Variants in AP2B1 observed in about 807,000 individuals in gnomAD.
AP2B1 encodes AP-2 complex subunit beta.
A neutral mutation model predicts 102.0 loss-of-function variants in AP2B1; 23 were observed. The ratio of observed to expected loss-of-function variants is 0.23; its 90% CI spans 0.16 to 0.32. The LOEUF (loss-of-function observed/expected upper bound fraction) is 0.32. Ranked by LOEUF, AP2B1 falls within the 10% of genes least tolerant of loss-of-function variation. The pLI, the probability that AP2B1 is intolerant of heterozygous loss-of-function variation, is 1.00. For missense variants in AP2B1, 541 were observed against 1,157.4 expected (o/e 0.47, Z 7.73); for synonymous variants, 381 against 421.2 (o/e 0.90, Z 1.17).
intron 13 of AP2B1, among the ~76,000 whole-genome samples, chr17:35,652,311 A>G (rs2075108354): frequency 1.3e-5 from 2 of 152,196 alleles, no homozygotes; most frequent in African/African-American, 4.8e-5. Context: ...TGTCTGTAAT[A>G]GTATTGACAT....
intron 18 of AP2B1, among the ~76,000 whole-genome samples, chr17:35,705,279 A>G (rs143411259): frequency 1.3e-5 from 2 of 152,342 alleles, no homozygotes; most frequent in East Asian, 1.9e-4. Flanking sequence ...GCTTCCCCCA[A>G]TGAATGACCT....
At position 35,627,740 on chromosome 17, in the gene AP2B1, G is replaced by A. The variant is rs1473112552; in HGVS notation, c.1155+14G>A. ...ATCAAGGTGGAGGCAAGTGTCTGAT[G>A]GTAGTTAGGATCATGTATTGGGGAT... On this transcript the variant is annotated intron_variant, in intron 9 of 21. Transcript: ENST00000610402. The A allele has an allele frequency of 6.2e-7, 1 of 1,609,282 alleles. No individual in the cohort carries two copies. Among genetic ancestry groups the A allele is most frequent in the East Asian group, 2.2e-5 (1 of 44,856 alleles).
At chr17:35,667,238 A>G (rs1443957733) in intron 14 of AP2B1, among the ~76,000 whole-genome samples, 1 of 152,174 alleles carries the variant, frequency 6.6e-6, no homozygotes, top group Non-Finnish European at 1.5e-5. Flanking sequence ...CTCCATTAGA[A>G]TATTTTTCAG....
At chr17:35,637,387 C>T (rs745475576) in intron 10 of AP2B1, among the ~76,000 whole-genome samples, 3 of 151,974 alleles carry the variant, frequency 2.0e-5, no homozygotes, top group Non-Finnish European at 2.9e-5. Context: ...GTTTCACTAG[C>T]CAGGCCAGTC....
intron 18 of AP2B1, among the ~76,000 whole-genome samples, chr17:35,704,885 G>A (rs1598332423): frequency 6.6e-6 from 1 of 152,192 alleles, no homozygotes; most frequent in South Asian, 2.1e-4. Flanking sequence ...ACAAAAATTA[G>A]GTGGACGTGG....
At chr17:35,707,166 T>G (rs1478828787) in intron 18 of AP2B1, among the ~76,000 whole-genome samples, 1 of 147,658 alleles carries the variant, frequency 6.8e-6, no homozygotes, top group East Asian at 2.0e-4. Flanking sequence ...TTTTGTTTTT[T>G]GTTGTTGAGA....
chr17:35,645,866 CA>C (rs1567890218), intron 12 of AP2B1, among the ~76,000 whole-genome samples: 1 of 151,784 alleles, frequency 6.6e-6, no homozygotes, highest in Admixed American at 6.6e-5. Context: ...CAAAACAAAA[CA>C]AAACAAAAAA....
intron 7 of AP2B1, 139 bp from the exon 8 acceptor site, chr17:35,627,245 CT>C (rs569701571): frequency 0.011 from 1,987 of 177,966 alleles, no homozygotes; most frequent in Middle Eastern, 0.026. Context: ...GAAGTTTATG[CT>C]TTTTTTTTTT....
chr17:35,650,445 A>T (rs2142825670), intron 12 of AP2B1, 85 bp from the exon 13 acceptor site: 1 of 1,494,178 alleles, frequency 6.7e-7, no homozygotes, highest in Non-Finnish European at 9.1e-7. Context: ...TCACTACAAC[A>T]TTGGTTGATG....
Position 35,605,191 on chromosome 17 carries a change from C to A in AP2B1, c.144-514C>A, listed in dbSNP as rs112549800. Among the ~76,000 whole-genome samples, 637 of 152,164 alleles carry A rather than the reference C, an allele frequency of 4.2e-3. 4 individuals are homozygous for A. The highest frequency in any genetic ancestry group is 0.017 in the Middle Eastern group (5 of 294). Reference sequence around the variant, plus strand: ...AAGTTCTGAGATTGCATACCTGAGCCACCATGTCTGGCCTACAGTTTCTTT... The same window carrying A: ...AAGTTCTGAGATTGCATACCTGAGCAACCATGTCTGGCCTACAGTTTCTTT... On this transcript the variant is annotated intron_variant, in intron 3 of 21. Coordinates refer to ENST00000610402, the MANE Select transcript of AP2B1 (RefSeq NM_001030006.2).
intron 2 of AP2B1, chr17:35,596,855 C>A: frequency 4.4e-6 from 3 of 682,794 alleles, no homozygotes; most frequent in Non-Finnish European, 8.2e-6. Context: ...ACACAGGCCG[C>A]CCAGCAGGAA....
chr17:35,671,570 A>G (rs569954511), intron 15 of AP2B1, among the ~76,000 whole-genome samples, 184 bp from the exon 16 acceptor site: 4 of 152,362 alleles, frequency 2.6e-5, no homozygotes, highest in Admixed American at 1.3e-4. Context: ...GTTCTTATCA[A>G]TGACGAAAAA....
chr17:35,646,382 C>CA (rs1426277044), intron 12 of AP2B1, among the ~76,000 whole-genome samples: 1 of 67,010 alleles, frequency 1.5e-5, no homozygotes, highest in Non-Finnish European at 2.7e-5. Flanking sequence ...CTCAGAACGA[C>CA]AGAGTTTGAG....
chr17:35,689,802 A>G (rs1198925782), intron 18 of AP2B1, among the ~76,000 whole-genome samples: 1 of 152,196 alleles, frequency 6.6e-6, no homozygotes, highest in Non-Finnish European at 1.5e-5. Context: ...TAGATGGGAC[A>G]GTGCAGAAGT....
chr17:35,645,548 G>C (rs225275), intron 12 of AP2B1, among the ~76,000 whole-genome samples: 131,715 of 152,238 alleles, frequency 0.87, 57,319 homozygotes, highest in East Asian at 0.97. Flanking sequence ...CAGTTCAACT[G>C]AGTAAAGAAT....
chr17:35,611,791 T>C lies in AP2B1; in HGVS notation c.525+3404T>C, dbSNP rs186698948. Among the ~76,000 whole-genome samples the C allele has an allele frequency of 1.0e-3, 156 of 152,292 alleles. 1 individual carries two copies. Among genetic ancestry groups the C allele is most frequent in the African/African-American group, 3.1e-3 (130 of 41,566 alleles). ...TTCACTAGTCATCAATACATGCCAA[T>C]CTTGTTTTACTTATTTTCTTTCCCC... On this transcript the variant is annotated intron_variant, in intron 5 of 21. Transcript: ENST00000610402.
At chr17:35,676,208 G>C (rs2075698466) in intron 17 of AP2B1, among the ~76,000 whole-genome samples, 1 of 152,076 alleles carries the variant, frequency 6.6e-6, no homozygotes, top group East Asian at 1.9e-4. Context: ...TTCATAATTG[G>C]TGGTGATTGC....
At chr17:35,673,500 T>C (rs957397648) in intron 16 of AP2B1, among the ~76,000 whole-genome samples, 3 of 152,128 alleles carry the variant, frequency 2.0e-5, no homozygotes, top group Non-Finnish European at 4.4e-5. Flanking sequence ...AATTTTTTTA[T>C]CTTTATTTTT....
intron 18 of AP2B1, among the ~76,000 whole-genome samples, chr17:35,700,108 A>AAAAT (rs201234165): frequency 0.027 from 4,123 of 152,104 alleles, 78 homozygotes; most frequent in Middle Eastern, 0.058. Flanking sequence ...AAAAGAAATT[A>AAAAT]AAATAAATAA....
Sources: gnomAD v4.1 joint callset for allele counts (sites outside exome capture counted in the v4.1 genomes callset) on GRCh38, gnomAD v4.1.1 for gene constraint, MANE v1.5 for transcripts, NCBI Gene and HGNC (gene_info 2026-07-23, HGNC 2026-07-21) for gene names.